The following COX10 variants were observed in gnomAD, a reference collection of about 807,000 sequenced individuals.
COX10 encodes the protein protoheme IX farnesyltransferase, mitochondrial.
A neutral mutation model predicts 37.3 loss-of-function variants in COX10; 27 were observed. That is an observed-to-expected ratio of 0.72 (90% CI 0.53 to 1.00). The LOEUF (loss-of-function observed/expected upper bound fraction) is 1.00, where lower values mean the gene tolerates loss of function less well. Among genes scored for constraint, COX10 ranks in the 50% least tolerant of loss-of-function variants. The pLI, the probability that COX10 is intolerant of heterozygous loss-of-function variation, is 0.00. For missense variants in COX10, 475 were observed against 563.2 expected, an observed-to-expected ratio of 0.84 and a Z score of 1.59; for synonymous variants, 222 against 229.1, an observed-to-expected ratio of 0.97 and a Z score of 0.28.
chr17:14,083,644 T>C (rs1322511152), intron 3 of COX10, among the ~76,000 whole-genome samples: 1 of 152,252 alleles, frequency 6.6e-6, no homozygotes, highest in Non-Finnish European at 1.5e-5. Context: ...GGCCAGGATA[T>C]GAGCCAAACG....
At chr17:14,195,800 T>C (rs191789525) in intron 6 of COX10, among the ~76,000 whole-genome samples, 1,779 of 152,280 alleles carry the variant, frequency 0.012, 10 homozygotes, top group African/African-American at 0.019. Flanking sequence ...TTCTAACAAG[T>C]TTCTAGTTGC....
At chr17:14,147,989 A>G (rs759785165) in intron 4 of COX10, among the ~76,000 whole-genome samples, 7 of 151,898 alleles carry the variant, frequency 4.6e-5, no homozygotes, top group East Asian at 1.9e-4. Flanking sequence ...TCAGTTCCAT[A>G]CAGTGATTCT....
chr17:14,178,426 G>A (rs567670575), intron 5 of COX10, among the ~76,000 whole-genome samples: 63 of 127,878 alleles, frequency 4.9e-4, no homozygotes, highest in African/African-American at 1.5e-3. Context: ...CCTGAATGGA[G>A]GTTGTGGGGC....
chr17:14,113,682 AGAG>A (rs1229441993), intron 4 of COX10, among the ~76,000 whole-genome samples: 1 of 152,162 alleles, frequency 6.6e-6, no homozygotes, highest in African/African-American at 2.4e-5. Context: ...AAATTTTAAA[AGAG>A]GAGGAGTATG....
chr17:14,092,898 TTAAG>T (rs1915559591), intron 3 of COX10, among the ~76,000 whole-genome samples: 1 of 152,208 alleles, frequency 6.6e-6, no homozygotes, highest in East Asian at 1.9e-4. Context: ...TTCCTCTGAA[TTAAG>T]TTATACAATT....
At chr17:14,143,625 T>G (rs1048218903) in intron 4 of COX10, among the ~76,000 whole-genome samples, 5 of 152,172 alleles carry the variant, frequency 3.3e-5, no homozygotes, top group Non-Finnish European at 7.4e-5. Context: ...TCTTGTCATT[T>G]GGGTAGGATC....
intron 4 of COX10, among the ~76,000 whole-genome samples, chr17:14,158,786 C>A (rs760975300): frequency 4.6e-5 from 7 of 152,094 alleles, no homozygotes; most frequent in Non-Finnish European, 8.8e-5. Context: ...GGAGCATCTC[C>A]GGGGATGGTA....
chr17:14,157,857 G>A (rs111985869), intron 4 of COX10, among the ~76,000 whole-genome samples: 116 of 152,332 alleles, frequency 7.6e-4, no homozygotes, highest in Middle Eastern at 3.4e-3. Context: ...TGCTTAACAT[G>A]TGTAGCCCAT....
At chr17:14,077,110 CA>C in intron 3 of COX10, 54 bp downstream of exon 3, 1 of 1,554,642 alleles carries the variant, frequency 6.4e-7, no homozygotes, top group Non-Finnish European at 8.8e-7. Context: ...TTTAGTGAAA[CA>C]AAAAGCTAAT....
chr17:14,168,056 C>A (rs1905341231), intron 5 of COX10, among the ~76,000 whole-genome samples: 1 of 152,182 alleles, frequency 6.6e-6, no homozygotes. Context: ...CCTATAAATT[C>A]AAAAGCAAGT....
intron 4 of COX10, among the ~76,000 whole-genome samples, chr17:14,112,384 C>T (rs1483967991): frequency 1.3e-5 from 2 of 152,120 alleles, no homozygotes; most frequent in Non-Finnish European, 2.9e-5. Flanking sequence ...TTGGCTGGAC[C>T]AGAAAGGAGA....
chr17:14,133,179 G>A (rs934902554), intron 4 of COX10, among the ~76,000 whole-genome samples: 1 of 151,562 alleles, frequency 6.6e-6, no homozygotes, highest in African/African-American at 2.4e-5. Context: ...TTAAAAATAA[G>A]TCAACTGTGA....
In COX10 at chr17:14,155,334, A is replaced by G. The variant is rs1326829890; in HGVS notation, c.625-4543A>G. Among the ~76,000 whole-genome samples, 327 of 151,782 alleles carry G rather than the reference A, an allele frequency of 2.2e-3. 2 individuals carry two copies. Among genetic ancestry groups the G allele is most frequent in the African/African-American group, 7.4e-3 (308 of 41,442 alleles). ...GTGATGTTAAAACATCTACATAAAA[A>G]AAAAAAAAAAAACAGCAATCAAGTG... On this transcript the variant is annotated intron_variant, in intron 4 of 6. Coordinates refer to ENST00000261643, the MANE Select transcript of COX10 (RefSeq NM_001303.4).
chr17:14,189,496 C>A (rs952526121), intron 5 of COX10, among the ~76,000 whole-genome samples: 12 of 152,166 alleles, frequency 7.9e-5, no homozygotes, highest in African/African-American at 2.9e-4. Context: ...ATTCTTCCAT[C>A]CAAGTGTTAG....
chr17:14,108,867 A>G (rs866742044), intron 4 of COX10, among the ~76,000 whole-genome samples: 2 of 152,134 alleles, frequency 1.3e-5, no homozygotes, highest in African/African-American at 4.8e-5. Context: ...TGTTTTGACT[A>G]TACAGTCTGC....
At chr17:14,120,202 G>A (rs1330320079) in intron 4 of COX10, among the ~76,000 whole-genome samples, 1 of 152,190 alleles carries the variant, frequency 6.6e-6, no homozygotes, top group Non-Finnish European at 1.5e-5. Context: ...TTTTGGACAT[G>A]TTGACTTTGA....
chr17:14,136,715 T>C (rs1904384375), intron 4 of COX10, among the ~76,000 whole-genome samples: 1 of 152,030 alleles, frequency 6.6e-6, no homozygotes, highest in Non-Finnish European at 1.5e-5. Context: ...CCTCCCAATG[T>C]TAGCAATTAA....
At chr17:14,177,179 G>C (rs1300711622) in intron 5 of COX10, 5 of 689,720 alleles carry the variant, frequency 7.2e-6, no homozygotes, top group Non-Finnish European at 1.1e-5. Context: ...GGAATGTCTC[G>C]TCTTCTTCAT....
chr17:14,141,954 A>G (rs1220113907), intron 4 of COX10, among the ~76,000 whole-genome samples: 3 of 152,156 alleles, frequency 2.0e-5, no homozygotes, highest in Non-Finnish European at 4.4e-5. Flanking sequence ...TCTGATTGGA[A>G]ATGTACTCAC....
Sources: allele counts gnomAD v4.1 joint callset (sites outside exome capture counted in the v4.1 genomes callset), GRCh38; gene constraint gnomAD v4.1.1; transcripts MANE v1.5; gene names NCBI Gene and HGNC (gene_info 2026-07-23, HGNC 2026-07-21).